NOX4: variants seen among roughly 807,000 people sequenced by gnomAD.
NOX4 encodes the protein kidney oxidase-1.
A neutral mutation model predicts 87.6 loss-of-function variants in NOX4; 69 were observed. The observed-to-expected ratio is 0.79, with a 90% CI of 0.65 to 0.96. The LOEUF (loss-of-function observed/expected upper bound fraction) is 0.96, where lower values mean the gene tolerates loss of function less well. Ranked by LOEUF, NOX4 falls within the 40% of genes least tolerant of loss-of-function variation. NOX4 has a pLI of 0.00. For synonymous variants in NOX4, 275 were observed against 238.2 expected (o/e 1.15, Z -1.42); for missense variants, 680 against 681.5 (o/e 1.00, Z 0.02).
chr11:89,369,400 C>T (rs1425958390), intron 12 of NOX4, among the ~76,000 whole-genome samples: 1 of 152,038 alleles, frequency 6.6e-6, no homozygotes, highest in Non-Finnish European at 1.5e-5. Flanking sequence ...GATAAACTCC[C>T]CATGGACCAA....
intron 17 of NOX4, among the ~76,000 whole-genome samples, chr11:89,331,159 A>G (rs899331464): frequency 1.2e-4 from 19 of 152,030 alleles, no homozygotes; most frequent in African/African-American, 4.6e-4. Flanking sequence ...TCAAATCCCA[A>G]TTGAACTAGA....
At chr11:89,563,248 T>C in the NOX4 span, among the ~76,000 whole-genome samples, 13 of 152,352 alleles carry the variant, frequency 8.5e-5, no homozygotes, top group South Asian at 2.7e-3. Context: ...ATTTGCATGG[T>C]ACCTGAAACA....
At chr11:89,328,044 C>CAGGGGAA (rs1425532604) in intron 17 of NOX4, among the ~76,000 whole-genome samples, 6 of 152,072 alleles carry the variant, frequency 3.9e-5, no homozygotes, top group African/African-American at 1.2e-4. Flanking sequence ...CTGCAGCAGA[C>CAGGGGAA]AGGGGAAACT....
intron 17 of NOX4, among the ~76,000 whole-genome samples, chr11:89,329,356 G>GAAAAAAAAAAAAAAAAAAAAAAAAAA (rs377055666): frequency 2.9e-5 from 1 of 34,714 alleles, no homozygotes; most frequent in African/African-American, 1.3e-4. Flanking sequence ...GAAAAAAACT[G>GAAAAAAAAAAAAAAAAAAAAAAAAAA]AAAAAAAAAA....
chr11:89,486,418 C>T (rs1946599833), intron 2 of NOX4, among the ~76,000 whole-genome samples: 1 of 149,732 alleles, frequency 6.7e-6, no homozygotes, highest in Admixed American at 6.7e-5. Flanking sequence ...CTCAGCCTTC[C>T]AAGTAGCTGC....
chr11:89,342,055 A>G lies in NOX4; in HGVS notation c.1337+19T>C, dbSNP rs1305937241. 2 of 1,591,370 alleles carry G rather than the reference A, an allele frequency of 1.3e-6. No individual in the cohort carries two copies. The highest frequency in any genetic ancestry group is 1.7e-6 in the Non-Finnish European group (2 of 1,167,988). ...GCAGTTCTCTATTTGGATTAACAAA[A>G]TAGATCAAAATGACATACAACAGGG... On this transcript the variant is annotated intron_variant, in intron 14 of 17. Coordinates refer to ENST00000263317, the MANE Select transcript of NOX4 (RefSeq NM_016931.5).
the NOX4 span, among the ~76,000 whole-genome samples, chr11:89,582,642 T>C: frequency 6.6e-6 from 1 of 152,192 alleles, no homozygotes; most frequent in South Asian, 2.1e-4. Flanking sequence ...TTGTGACATG[T>C]CTGTGACCCC....
intron 13 of NOX4, among the ~76,000 whole-genome samples, chr11:89,349,372 A>G (rs1032030883): frequency 3.9e-5 from 6 of 152,180 alleles, no homozygotes; most frequent in Non-Finnish European, 8.8e-5. Context: ...AGACATGCAG[A>G]TTGAACAGAA....
intron 17 of NOX4, among the ~76,000 whole-genome samples, chr11:89,330,992 T>G (rs1318920571): frequency 6.6e-6 from 1 of 152,018 alleles, no homozygotes; most frequent in Non-Finnish European, 1.5e-5. Context: ...CTATTGGAAC[T>G]AATTGGCATT....
the NOX4 span, among the ~76,000 whole-genome samples, chr11:89,537,920 C>T: frequency 1.1e-3 from 162 of 152,246 alleles, no homozygotes; most frequent in Non-Finnish European, 1.8e-3. Flanking sequence ...TTGAGTTTTC[C>T]TACACCAACC....
intron 12 of NOX4, among the ~76,000 whole-genome samples, chr11:89,370,254 T>G (rs1439801542): frequency 6.6e-6 from 1 of 152,020 alleles, no homozygotes; most frequent in Non-Finnish European, 1.5e-5. Flanking sequence ...CCAAGATTCA[T>G]AGAAACATCA....
chr11:89,430,693 C>G (rs1039876635), intron 7 of NOX4, among the ~76,000 whole-genome samples: 1 of 151,778 alleles, frequency 6.6e-6, no homozygotes, highest in African/African-American at 2.4e-5. Flanking sequence ...CACTGCTCAA[C>G]GAAATAAAAG....
chr11:89,421,736 A>T (rs544434141), intron 8 of NOX4, among the ~76,000 whole-genome samples, 166 bp downstream of exon 8: 1 of 152,150 alleles, frequency 6.6e-6, no homozygotes, highest in Admixed American at 6.6e-5. Context: ...CTATGCTAAA[A>T]ATAAAACTAT....
the NOX4 span, among the ~76,000 whole-genome samples, chr11:89,522,576 C>G: frequency 6.6e-6 from 1 of 151,990 alleles, no homozygotes; most frequent in Non-Finnish European, 1.5e-5. Flanking sequence ...CATTTGTACC[C>G]CAAAACTCAA....
intron 13 of NOX4, among the ~76,000 whole-genome samples, chr11:89,345,549 A>G (rs1946180332): frequency 6.6e-6 from 1 of 152,090 alleles, no homozygotes. Context: ...AGCAGCATTC[A>G]ATACAGGTAG....
At chr11:89,408,287 G>A (rs1301149124) in intron 8 of NOX4, among the ~76,000 whole-genome samples, 1 of 152,116 alleles carries the variant, frequency 6.6e-6, no homozygotes, top group Non-Finnish European at 1.5e-5. Context: ...CTTTTGTTGT[G>A]ATTGTTGTTG....
intron 2 of NOX4, among the ~76,000 whole-genome samples, chr11:89,483,952 C>T (rs1946490602): frequency 6.6e-6 from 1 of 152,012 alleles, no homozygotes; most frequent in Non-Finnish European, 1.5e-5. Flanking sequence ...CTGCTTCTGT[C>T]CCTCACTAGC....
At chr11:89,405,018 G>T (rs1258730001) in intron 8 of NOX4, among the ~76,000 whole-genome samples, 2 of 150,956 alleles carry the variant, frequency 1.3e-5, no homozygotes, top group Admixed American at 1.3e-4. Context: ...GTCACGCAAA[G>T]CAAATCAGAT....
chr11:89,420,981 C>T (rs1283831722), intron 8 of NOX4, among the ~76,000 whole-genome samples: 6 of 152,250 alleles, frequency 3.9e-5, no homozygotes, highest in South Asian at 2.1e-4. Context: ...CTGTGGAGTA[C>T]GAATGAGCCT....
Sources: gnomAD v4.1 joint callset for allele counts (sites outside exome capture counted in the v4.1 genomes callset) on GRCh38, gnomAD v4.1.1 for gene constraint, MANE v1.5 for transcripts, NCBI Gene and HGNC (gene_info 2026-07-23, HGNC 2026-07-21) for gene names.